LYST: variants seen among roughly 807,000 people sequenced by gnomAD.
LYST encodes lysosomal trafficking regulator, also known as lysosomal-trafficking regulator.
In LYST, 192 loss-of-function variants were observed where a neutral mutation model predicts 413.6. The ratio of observed to expected loss-of-function variants is 0.46; its 90% CI spans 0.41 to 0.52. The LOEUF (loss-of-function observed/expected upper bound fraction) is 0.52. Among genes scored for constraint, LYST ranks in the 20% least tolerant of loss-of-function variants. The pLI, the probability that LYST is intolerant of heterozygous loss-of-function variation, is 0.00. For missense variants in LYST, 3,815 were observed against 4,499.9 expected, an observed-to-expected ratio of 0.85 and a Z score of 4.35; for synonymous variants, 1,525 against 1,567.3, an observed-to-expected ratio of 0.97 and a Z score of 0.64.
At chr1:235,732,938 T>G (rs1367197054) in intron 34 of LYST, among the ~76,000 whole-genome samples, 1 of 152,224 alleles carries the variant, frequency 6.6e-6, no homozygotes, top group African/African-American at 2.4e-5. Flanking sequence ...TCCATTGATT[T>G]ATTTGCAGTT....
chr1:235,817,916 T>C lies in LYST; in HGVS notation c.193-4855A>G, dbSNP rs544183577. ...CAAAAATGATCTATTCATTAAGAGT[T>C]TGAAGGAATCCACTGGCAATAGAAT... On this transcript the variant is annotated intron_variant, in intron 3 of 52. Transcript: ENST00000389793. 9.2e-5 allele frequency among the ~76,000 whole-genome samples: 14 copies of C among 152,266 alleles called. No homozygotes were observed. The South Asian group carries it at 2.3e-3, about 25-fold the overall frequency.
intron 34 of LYST, among the ~76,000 whole-genome samples, chr1:235,732,064 T>TC (rs1313125403): frequency 6.6e-6 from 1 of 152,058 alleles, no homozygotes; most frequent in Non-Finnish European, 1.5e-5. Context: ...GCGGTTGTTG[T>TC]CTTTTTTTTT....
chr1:235,717,456 A>C (rs1356219402), intron 40 of LYST, among the ~76,000 whole-genome samples: 1 of 152,198 alleles, frequency 6.6e-6, no homozygotes, highest in African/African-American at 2.4e-5. Flanking sequence ...ATGAATTCTC[A>C]TCCCTCCAGG....
intron 50 of LYST, among the ~76,000 whole-genome samples, chr1:235,676,740 A>C (rs1235434633): frequency 6.6e-6 from 1 of 152,228 alleles, no homozygotes; most frequent in Non-Finnish European, 1.5e-5. Context: ...GGAAGGTAAC[A>C]AAGTCAATAG....
At chr1:235,827,324 G>C in intron 3 of LYST, 1 of 502,006 alleles carries the variant, frequency 2.0e-6, no homozygotes, top group Non-Finnish European at 2.6e-6. Flanking sequence ...AGCCATGATT[G>C]TGCCGCTGCA....
intron 31 of LYST, chr1:235,738,923 G>A: frequency 5.5e-6 from 4 of 729,630 alleles, no homozygotes; most frequent in Non-Finnish European, 1.0e-5. Flanking sequence ...TGACTCCTGA[G>A]GAAGGGGCCC....
intron 40 of LYST, among the ~76,000 whole-genome samples, chr1:235,717,037 T>C (rs1202732487): frequency 6.6e-6 from 1 of 152,234 alleles, no homozygotes; most frequent in African/African-American, 2.4e-5. Flanking sequence ...GAAGGGCTAC[T>C]ACTATCCTTC....
intron 1 of LYST, among the ~76,000 whole-genome samples, chr1:235,857,335 A>G (rs1456303031): frequency 6.6e-6 from 1 of 152,108 alleles, no homozygotes; most frequent in Non-Finnish European, 1.5e-5. Flanking sequence ...GCCTAAGATG[A>G]CTTTCTCTAG....
chr1:235,757,510 T>C, intron 23 of LYST, 52 bp from the exon 24 acceptor site: 2 of 1,347,984 alleles, frequency 1.5e-6, no homozygotes, highest in East Asian at 4.6e-5. Context: ...AAGTACTTGA[T>C]GATTACCTTA....
At chr1:235,869,257 G>A (rs971848207), upstream of LYST, among the ~76,000 whole-genome samples, 43 of 152,264 alleles carry the variant, frequency 2.8e-4, no homozygotes, top group Non-Finnish European at 6.0e-4. Context: ...CAGATCACGA[G>A]GTCAGGAGAT....
chr1:235,673,211 AGTCT>A (rs902408291), intron 50 of LYST, among the ~76,000 whole-genome samples: 40 of 152,130 alleles, frequency 2.6e-4, no homozygotes, highest in African/African-American at 8.9e-4. Flanking sequence ...AAGTCTAATC[AGTCT>A]GTCTCTTTTT....
chr1:235,781,044 CA>C lies in LYST; in HGVS notation c.5034del (p.Gly1679ValfsTer18). 2 of 1,607,450 alleles carry C rather than the reference CA, an allele frequency of 1.2e-6. No individual in the cohort carries two copies. The highest frequency in any genetic ancestry group is 1.7e-6 in the Non-Finnish European group (2 of 1,174,772). Reference protein sequence around the residue: ...GNLLLFNGAKVGSQEAFYLYA... With the variant: ...GNLLLFNGAKXGSQEAFYLYA... ...TACAGATAAAAGGCCTCTTGTGAAC[CA>C]ACCTTAGCTCCTGAATAGCAGAAAA... On this transcript the variant is annotated frameshift_variant, in exon 16 of 53. Coordinates refer to ENST00000389793, the MANE Select transcript of LYST (RefSeq NM_000081.4). LOFTEE classifies it high-confidence loss of function.
chr1:235,688,004 C>T (rs1049631936), intron 47 of LYST, among the ~76,000 whole-genome samples: 3 of 152,150 alleles, frequency 2.0e-5, no homozygotes, highest in Non-Finnish European at 2.9e-5. Flanking sequence ...TCTTAACTCC[C>T]GTTATACCAT....
intron 8 of LYST, 134 bp from the exon 9 acceptor site, chr1:235,801,231 C>A: frequency 1.5e-6 from 1 of 662,786 alleles, no homozygotes; most frequent in Non-Finnish European, 2.7e-6. Context: ...CCAATCTTTT[C>A]CTATAACACA....
At position 235,775,029 on chromosome 1, in the gene LYST, A is replaced by C. The variant is rs115330112; in HGVS notation, c.5518T>G (p.Ser1840Ala). The C allele has an allele frequency of 7.2e-3, 11,626 of 1,611,734 alleles. 60 individuals carry two copies. Among genetic ancestry groups the C allele is most frequent in the Non-Finnish European group, 8.9e-3 (10,521 of 1,178,806 alleles). ...TQALALRVIL[S>A]LIKYNQQRVH... ...CTTTGTTGGTTGTATTTAATTAATG[A>C]GAGTATAACTCGCAGTGCTAATGCT... is the stretch of plus-strand genomic sequence containing the variant. Residue 1840 changes from serine (S) to alanine (A), a missense_variant, in exon 18 of 53, where the codon TCA (serine) becomes GCA (alanine). Transcript: ENST00000389793.
Position 235,791,827 on chromosome 1 carries a change from C to A in LYST, c.4415G>T (p.Gly1472Val). Reference protein sequence around the residue: ...GQNCWPHLSEGFSVSLWFNVE... With the variant: ...GQNCWPHLSEVFSVSLWFNVE... ...ATTAAACCACAGGGAAACACTGAAACCTTCTGATAGGTGTGGCCAGCAGTT... is the reference window on the plus strand; with the variant it reads ...ATTAAACCACAGGGAAACACTGAAAACTTCTGATAGGTGTGGCCAGCAGTT... Residue 1472 changes from glycine (G) to valine (V), a missense_variant, in exon 12 of 53, where the codon GGT becomes GTT. Physicochemically the swap from Gly to Val is moderately radical, Grantham distance 109. This residue lies in a region of LYST where 1,648 missense variants were observed against 1,810.3 expected (regional missense o/e 0.91). Transcript: ENST00000389793. 2 of 1,614,140 alleles carry A rather than the reference C, an allele frequency of 1.2e-6. No homozygotes were observed. Among genetic ancestry groups the A allele is most frequent in the Admixed American group, 1.7e-5 (1 of 60,026 alleles).
chr1:235,860,950 C>CT (rs957794802), intron 1 of LYST, among the ~76,000 whole-genome samples: 197 of 151,520 alleles, frequency 1.3e-3, no homozygotes, highest in African/African-American at 4.5e-3. Flanking sequence ...GCAGTATGTA[C>CT]TTTTTTTTTC....
chr1:235,788,633 A>G, intron 13 of LYST, 68 bp downstream of exon 13: 1 of 1,473,924 alleles, frequency 6.8e-7, no homozygotes, highest in South Asian at 1.2e-5. Context: ...TAGATTTCAC[A>G]TTAATGTCTC....
Position 235,686,814 on chromosome 1 carries a change from A to C in LYST, c.10800+135T>G. 1 of 747,360 alleles carries C rather than the reference A, an allele frequency of 1.3e-6. No individual in the cohort carries two copies. Among genetic ancestry groups the C allele is most frequent in the East Asian group, 2.5e-5 (1 of 39,244 alleles). 46.3% of individuals were successfully genotyped at this position (747,360 alleles called of 1,614,324 possible). On this transcript the variant is annotated intron_variant, in intron 48 of 52. Coordinates refer to ENST00000389793, the MANE Select transcript of LYST (RefSeq NM_000081.4). This position sits in a 1 kb window ranked among gnomAD's most constrained non-coding sequence, Gnocchi z 4.0. ...TTCTAATAAACCCTAAAGCATTTTA[A>C]GACCTAATGTAGGGAGAAGATTAAG...
Sources: allele counts gnomAD v4.1 joint callset (sites outside exome capture counted in the v4.1 genomes callset), GRCh38; gene constraint gnomAD v4.1.1; regional missense constraint gnomAD v4.1.1; non-coding constraint Gnocchi (gnomAD v3.1); transcripts MANE v1.5; gene names NCBI Gene and HGNC (gene_info 2026-07-23, HGNC 2026-07-21).